ARB2A: variants seen among roughly 807,000 people sequenced by gnomAD.
ARB2A encodes ARB2 cotranscriptional regulator A, also known as cotranscriptional regulator ARB2A.
the ARB2A span, among the ~76,000 whole-genome samples, chr5:93,672,343 C>T: frequency 2.0e-5 from 3 of 150,666 alleles, no homozygotes; most frequent in Admixed American, 1.3e-4. Flanking sequence ...GATGGAGTCT[C>T]GCTGTCACGA....
chr5:93,763,759 C>T, the ARB2A span, among the ~76,000 whole-genome samples: 13 of 152,084 alleles, frequency 8.5e-5, no homozygotes, highest in African/African-American at 2.7e-4. Flanking sequence ...TTTTCAGCAC[C>T]GCAGCACACC....
At chr5:93,658,474 GATTTCATTTC>G in the ARB2A span, among the ~76,000 whole-genome samples, 65 of 151,960 alleles carry the variant, frequency 4.3e-4, 2 homozygotes, top group South Asian at 2.1e-4. Flanking sequence ...GAATCTGTGT[GATTTCATTTC>G]ATTTCATTTC....
chr5:93,767,871 GTA>G, the ARB2A span, among the ~76,000 whole-genome samples: 2 of 151,432 alleles, frequency 1.3e-5, no homozygotes, highest in South Asian at 4.2e-4. Context: ...GCGGGCACCT[GTA>G]GTCCCAGCTA....
the ARB2A span, among the ~76,000 whole-genome samples, chr5:93,838,694 C>A: frequency 7.9e-5 from 12 of 152,204 alleles, no homozygotes; most frequent in Admixed American, 7.2e-4. Flanking sequence ...GTTTTTCCAT[C>A]TGTTTGAGTC....
the ARB2A span, among the ~76,000 whole-genome samples, chr5:94,043,437 T>A: frequency 6.6e-6 from 1 of 152,244 alleles, no homozygotes; most frequent in Non-Finnish European, 1.5e-5. Context: ...TTCTGAGTAT[T>A]CTTAACTTAC....
At chr5:93,677,130 C>T in the ARB2A span, among the ~76,000 whole-genome samples, 1 of 152,138 alleles carries the variant, frequency 6.6e-6, no homozygotes, top group African/African-American at 2.4e-5. Context: ...ACTTCCCCAT[C>T]TTTTATGCAG....
At chr5:93,663,381 G>T in the ARB2A span, among the ~76,000 whole-genome samples, 1 of 152,160 alleles carries the variant, frequency 6.6e-6, no homozygotes, top group African/African-American at 2.4e-5. Flanking sequence ...CTGAAGGAAA[G>T]CTAAAAGTTT....
At chr5:93,762,705 A>G in the ARB2A span, among the ~76,000 whole-genome samples, 2 of 152,212 alleles carry the variant, frequency 1.3e-5, no homozygotes, top group African/African-American at 4.8e-5. Flanking sequence ...AGAGAACGCC[A>G]CAAAGATACT....
the ARB2A span, among the ~76,000 whole-genome samples, chr5:94,104,734 T>C: frequency 2.0e-5 from 3 of 152,022 alleles, no homozygotes; most frequent in Non-Finnish European, 4.4e-5. Flanking sequence ...CTGATGAATA[T>C]AGATGTAAAA....
At chr5:93,865,979 T>C in the ARB2A span, 119 of 985,472 alleles carry the variant, frequency 1.2e-4, 2 homozygotes, top group African/African-American at 1.9e-3. Flanking sequence ...GTAAGAATTA[T>C]GTCCCCTTAA....
At chr5:93,780,083 G>A in the ARB2A span, among the ~76,000 whole-genome samples, 1 of 152,202 alleles carries the variant, frequency 6.6e-6, no homozygotes, top group African/African-American at 2.4e-5. Flanking sequence ...TACCTTGGTT[G>A]AGGCTTGATT....
At chr5:93,850,811 C>T in the ARB2A span, among the ~76,000 whole-genome samples, 1 of 152,108 alleles carries the variant, frequency 6.6e-6, no homozygotes, top group African/African-American at 2.4e-5. Context: ...CTGTAACTAA[C>T]TCAGCAAAAT....
At chr5:93,856,276 C>T in the ARB2A span, among the ~76,000 whole-genome samples, 13 of 152,188 alleles carry the variant, frequency 8.5e-5, no homozygotes, top group East Asian at 5.8e-4. Flanking sequence ...TTGCTCTTCT[C>T]GAGGAGTATC....
the ARB2A span, among the ~76,000 whole-genome samples, chr5:93,924,009 T>A: frequency 6.6e-6 from 1 of 152,090 alleles, no homozygotes; most frequent in Non-Finnish European, 1.5e-5. Context: ...TGAAGGGACA[T>A]TATCCAATTT....
chr5:93,963,955 A>G, the ARB2A span, among the ~76,000 whole-genome samples: 1 of 152,046 alleles, frequency 6.6e-6, no homozygotes, highest in South Asian at 2.1e-4. Flanking sequence ...AGATTCAAAA[A>G]AAGGTTCTGC....
chr5:93,927,943 T>G, the ARB2A span, among the ~76,000 whole-genome samples: 1 of 152,106 alleles, frequency 6.6e-6, no homozygotes, highest in African/African-American at 2.4e-5. Context: ...ATTTTCTGTC[T>G]GTAGACATCG....
At chr5:93,850,252 C>T in the ARB2A span, among the ~76,000 whole-genome samples, 1 of 152,138 alleles carries the variant, frequency 6.6e-6, no homozygotes, top group Non-Finnish European at 1.5e-5. Flanking sequence ...ATGACTATTC[C>T]TGGAAAACTG....
the ARB2A span, among the ~76,000 whole-genome samples, chr5:93,689,390 G>A: frequency 3.3e-5 from 5 of 152,152 alleles, 1 homozygote; most frequent in South Asian, 8.3e-4. Flanking sequence ...TATAAGTGAA[G>A]GGTATTATAT....
the ARB2A span, among the ~76,000 whole-genome samples, chr5:93,949,732 A>T: frequency 6.6e-6 from 1 of 151,990 alleles, no homozygotes; most frequent in Non-Finnish European, 1.5e-5. Context: ...CAAATACAAG[A>T]TCTTACTCAG....
Sources: allele counts gnomAD v4.1 joint callset (sites outside exome capture counted in the v4.1 genomes callset), GRCh38; gene constraint gnomAD v4.1.1; transcripts MANE v1.5; gene names NCBI Gene and HGNC (gene_info 2026-07-23, HGNC 2026-07-21).